Variants in MAGI3 observed in about 807,000 individuals in gnomAD.
The protein encoded by MAGI3 is membrane-associated guanylate kinase, WW and PDZ domain-containing protein 3.
Under a neutral mutation model 121.8 loss-of-function variants are expected in MAGI3, and 43 were observed. The observed-to-expected ratio is 0.35, with a 90% confidence interval of 0.28 to 0.46. MAGI3 has a LOEUF of 0.46. MAGI3 is among the 20% of genes least tolerant of loss of function. The pLI is 1.00. For missense variants in MAGI3, 1,547 were observed against 1,797.3 expected, an observed-to-expected ratio of 0.86 and a Z score of 2.52; for synonymous variants, 553 against 639.3, an observed-to-expected ratio of 0.86 and a Z score of 2.04.
At chr1:113,537,389 A>G (rs17031640) in intron 1 of MAGI3, among the ~76,000 whole-genome samples, 10,226 of 152,170 alleles carry the variant, frequency 0.067, 382 homozygotes, top group African/African-American at 0.075. Context: ...TTTGTCATGT[A>G]CTATTCCACT....
chr1:113,659,130 T>C lies in MAGI3; in HGVS notation c.2680T>C (p.Cys894Arg). 2 of 1,614,020 alleles carry C rather than the reference T, an allele frequency of 1.2e-6. No individual in the cohort carries two copies. The highest frequency in any genetic ancestry group is 1.7e-6 in the Non-Finnish European group (2 of 1,179,936). The change falls in exon 16 of 21, where the codon TGT (cysteine) becomes CGT (arginine). Residue 894 changes from cysteine to arginine, a missense_variant. Cys to Arg is a radical substitution (Grantham distance 180). Coordinates refer to ENST00000307546, the MANE Select transcript of MAGI3 (RefSeq NM_001142782.2). ...RVIEGSPADRCGKLKVGDHIS... is the reference protein window; with the variant it reads ...RVIEGSPADRRGKLKVGDHIS... ...CATAGAAGGAAGTCCGGCTGACCGC[T>C]GTGGAAAACTGAAAGTTGGAGATCA...
intron 2 of MAGI3, among the ~76,000 whole-genome samples, chr1:113,571,107 A>G (rs945192950): frequency 6.6e-6 from 1 of 152,210 alleles, no homozygotes; most frequent in Non-Finnish European, 1.5e-5. Context: ...AGTTTTCTGC[A>G]TATGGCTAGC....
intron 1 of MAGI3, among the ~76,000 whole-genome samples, chr1:113,418,262 A>G (rs1652557178): frequency 6.6e-6 from 1 of 152,110 alleles, no homozygotes; most frequent in African/African-American, 2.4e-5. Context: ...ATGCACTGTG[A>G]TGGGTGATTT....
chr1:113,445,475 G>A (rs949646599), intron 1 of MAGI3, among the ~76,000 whole-genome samples: 6 of 152,026 alleles, frequency 3.9e-5, no homozygotes, highest in African/African-American at 1.4e-4. Flanking sequence ...CAGGTGTGTT[G>A]GCATGCACCT....
intron 1 of MAGI3, among the ~76,000 whole-genome samples, chr1:113,511,240 T>C (rs1421512500): frequency 1.3e-5 from 2 of 152,254 alleles, no homozygotes; most frequent in African/African-American, 4.8e-5. Context: ...AAGGATATTC[T>C]GGTAATTTAG....
intron 1 of MAGI3, among the ~76,000 whole-genome samples, chr1:113,523,893 C>T (rs1453488289): frequency 6.6e-6 from 1 of 152,118 alleles, no homozygotes; most frequent in Non-Finnish European, 1.5e-5. Flanking sequence ...GCAGCCCCTT[C>T]CATCACAGGC....
chr1:113,469,558 A>G (rs1162651954), intron 1 of MAGI3, among the ~76,000 whole-genome samples: 1 of 151,676 alleles, frequency 6.6e-6, no homozygotes, highest in Non-Finnish European at 1.5e-5. Context: ...TTATACTTCC[A>G]GTAATATTTT....
At chr1:113,505,717 A>T (rs1270325260) in intron 1 of MAGI3, among the ~76,000 whole-genome samples, 1 of 152,154 alleles carries the variant, frequency 6.6e-6, no homozygotes. Flanking sequence ...AAAGAGCTGA[A>T]TGAAATGAAG....
intron 1 of MAGI3, among the ~76,000 whole-genome samples, chr1:113,477,081 A>G (rs1276544354): frequency 6.6e-6 from 1 of 150,958 alleles, no homozygotes; most frequent in Non-Finnish European, 1.5e-5. Context: ...TTTGCTTGAT[A>G]GATCTTCCTC....
chr1:113,612,255 A>G (rs1010685877), intron 6 of MAGI3, among the ~76,000 whole-genome samples: 3 of 152,170 alleles, frequency 2.0e-5, no homozygotes, highest in African/African-American at 7.2e-5. Context: ...CTGCTTAAAC[A>G]TCAGCTTTTA....
At chr1:113,613,576 A>G (rs1394538219) in intron 6 of MAGI3, among the ~76,000 whole-genome samples, 1 of 152,186 alleles carries the variant, frequency 6.6e-6, no homozygotes, top group Non-Finnish European at 1.5e-5. Context: ...ATGCTTTCTA[A>G]ACCTGTTTGC....
intron 1 of MAGI3, among the ~76,000 whole-genome samples, chr1:113,406,684 C>A (rs1651700917): frequency 6.6e-6 from 1 of 151,824 alleles, no homozygotes; most frequent in Non-Finnish European, 1.5e-5. Context: ...AGATTTGAGA[C>A]CAGGTGAACT....
chr1:113,626,685 G>C (rs1281802307), intron 9 of MAGI3, among the ~76,000 whole-genome samples: 1 of 152,146 alleles, frequency 6.6e-6, no homozygotes, highest in Non-Finnish European at 1.5e-5. Flanking sequence ...TTGGTAAGTT[G>C]TGTGTGTCTA....
At chr1:113,681,119 A>G in intron 19 of MAGI3, 79 bp from the exon 20 acceptor site, 1 of 1,528,244 alleles carries the variant, frequency 6.5e-7, no homozygotes, top group Middle Eastern at 1.8e-4. Context: ...GCAAGGTTGA[A>G]TGGCTCAAGA....
At chr1:113,646,375 C>A in intron 11 of MAGI3, 111 bp from the exon 12 acceptor site, 2 of 791,008 alleles carry the variant, frequency 2.5e-6, no homozygotes, top group Non-Finnish European at 1.9e-6. Flanking sequence ...TTTGATCCTG[C>A]CACCTATACA....
intron 9 of MAGI3, 119 bp downstream of exon 9, chr1:113,623,113 T>G: frequency 2.9e-6 from 2 of 692,266 alleles, no homozygotes; most frequent in Non-Finnish European, 4.2e-6. Flanking sequence ...AAGAAAGAGA[T>G]TCCAGTATTA....
Position 113,599,308 on chromosome 1 carries a change from T to C in MAGI3, c.1018+4748T>C, listed in dbSNP as rs921164177. ...TGGTTTTTTGAAAGGATCAACAAAA[T>C]TGATCGACCACTAGCAAGACTAATA... On this transcript the variant is annotated intron_variant, in intron 6 of 20. Transcript: ENST00000307546. Among the ~76,000 whole-genome samples, 7 of 151,786 alleles carry C rather than the reference T, an allele frequency of 4.6e-5. No individual in the cohort carries two copies. In the East Asian group the frequency reaches 9.6e-4, roughly 21 times the overall value.
At chr1:113,678,630 GTAA>G (rs2101033609) in intron 19 of MAGI3, among the ~76,000 whole-genome samples, 1 of 152,184 alleles carries the variant, frequency 6.6e-6, no homozygotes, top group South Asian at 2.1e-4. Context: ...TTAAATCTTC[GTAA>G]TGATACACTT....
At chr1:113,529,460 C>T (rs1029460022) in intron 1 of MAGI3, among the ~76,000 whole-genome samples, 4 of 152,128 alleles carry the variant, frequency 2.6e-5, no homozygotes, top group Non-Finnish European at 5.9e-5. Flanking sequence ...TTTTATTGGA[C>T]GCTGTTCCCA....
Sources: allele counts gnomAD v4.1 joint callset (sites outside exome capture counted in the v4.1 genomes callset), GRCh38; gene constraint gnomAD v4.1.1; transcripts MANE v1.5; gene names NCBI Gene and HGNC (gene_info 2026-07-23, HGNC 2026-07-21).